The following MCF2L2 variants were observed in gnomAD, a reference collection of about 807,000 sequenced individuals.
The protein encoded by MCF2L2 is probable guanine nucleotide exchange factor MCF2L2.
In MCF2L2, 102 loss-of-function variants were observed where a neutral mutation model predicts 150.2. That is an observed-to-expected ratio of 0.68 (90% CI 0.58 to 0.80). The LOEUF (loss-of-function observed/expected upper bound fraction) is 0.80, where lower values mean the gene tolerates loss of function less well. Among genes scored for constraint, MCF2L2 ranks in the 30% least tolerant of loss-of-function variants. The probability of loss-of-function intolerance (pLI) is 0.00; values close to 1 mark genes in which losing one functional copy is unlikely to be tolerated. For missense variants in MCF2L2, 1,256 were observed against 1,372.8 expected (o/e 0.91, Z 1.34); for synonymous variants, 465 against 491.3 (o/e 0.95, Z 0.71).
At chr3:183,203,781 CA>C (rs1340383646) in intron 25 of MCF2L2, among the ~76,000 whole-genome samples, 4 of 152,202 alleles carry the variant, frequency 2.6e-5, no homozygotes, top group Non-Finnish European at 5.9e-5. Flanking sequence ...TCAAGATCCA[CA>C]CCTAGAGATA....
At chr3:183,262,707 A>G (rs554871079) in intron 15 of MCF2L2, among the ~76,000 whole-genome samples, 4 of 140,756 alleles carry the variant, frequency 2.8e-5, no homozygotes, top group Non-Finnish European at 4.6e-5. Flanking sequence ...CAGGAGGTGA[A>G]GTCTTCAGGG....
intron 3 of MCF2L2, among the ~76,000 whole-genome samples, chr3:183,351,910 A>G (rs1242219797): frequency 6.6e-6 from 1 of 152,162 alleles, no homozygotes; most frequent in Admixed American, 6.5e-5. Flanking sequence ...CCTCCTTCCA[A>G]TTTTAACATT....
chr3:183,315,549 C>T (rs1729570380), intron 7 of MCF2L2, among the ~76,000 whole-genome samples: 1 of 152,156 alleles, frequency 6.6e-6, no homozygotes, highest in South Asian at 2.1e-4. Context: ...TCAAATAATA[C>T]TTCTAACTAT....
intron 5 of MCF2L2, among the ~76,000 whole-genome samples, chr3:183,334,409 T>A (rs1730386551): frequency 6.6e-6 from 1 of 152,014 alleles, no homozygotes; most frequent in African/African-American, 2.4e-5. Flanking sequence ...GGATCAAAAT[T>A]CACATCACCA....
Position 183,318,058 on chromosome 3 carries a change from G to A in MCF2L2, c.753+10C>T, listed in dbSNP as rs1374388533. 6 of 1,612,420 alleles carry A rather than the reference G, an allele frequency of 3.7e-6. No homozygotes were observed. The highest frequency in any genetic ancestry group is 4.2e-6 in the Non-Finnish European group (5 of 1,179,394). On this transcript the variant is annotated intron_variant, in intron 7 of 29. Transcript: ENST00000328913. ...AGACACTGGCCTCTGAGAGGTCACT[G>A]ACCGCTCACCTGCAGCTTGTCCCGC... is the stretch of plus-strand genomic sequence containing the variant.
intron 1 of MCF2L2, among the ~76,000 whole-genome samples, chr3:183,394,134 A>C (rs1714317556): frequency 6.6e-6 from 1 of 152,212 alleles, no homozygotes; most frequent in African/African-American, 2.4e-5. Flanking sequence ...TTGCCCAGAG[A>C]CTCAAGGGGA....
At chr3:183,276,630 T>G (rs1046568320) in intron 15 of MCF2L2, 6 of 423,152 alleles carry the variant, frequency 1.4e-5, no homozygotes, top group Non-Finnish European at 2.5e-5. Flanking sequence ...GATAGCCCAA[T>G]TTTTTAAAAC....
At chr3:183,184,319 T>C (rs921969153) in intron 27 of MCF2L2, among the ~76,000 whole-genome samples, 1 of 152,226 alleles carries the variant, frequency 6.6e-6, no homozygotes, top group African/African-American at 2.4e-5. Context: ...GCCCAGCTGA[T>C]TATAGCAAAA....
intron 15 of MCF2L2, chr3:183,272,168 AT>A: frequency 1.0e-6 from 1 of 1,000,300 alleles, no homozygotes. Context: ...GTTCCTTGTA[AT>A]CAAAGAGATG....
chr3:183,182,336 G>A (rs1054404646), intron 27 of MCF2L2, among the ~76,000 whole-genome samples: 3 of 144,742 alleles, frequency 2.1e-5, no homozygotes, highest in African/African-American at 7.5e-5. Context: ...GTGAGGGTGG[G>A]GATGCCTGGA....
At chr3:183,289,999 G>A (rs1728031421) in intron 13 of MCF2L2, among the ~76,000 whole-genome samples, 1 of 152,164 alleles carries the variant, frequency 6.6e-6, no homozygotes, top group Non-Finnish European at 1.5e-5. Flanking sequence ...GTTGTTCTTG[G>A]ATTCAAAGAC....
intron 15 of MCF2L2, among the ~76,000 whole-genome samples, chr3:183,259,684 C>T (rs1427883306): frequency 6.6e-6 from 1 of 152,050 alleles, no homozygotes; most frequent in Non-Finnish European, 1.5e-5. Context: ...TTTTTGCCTC[C>T]TCTCCTTCCT....
intron 21 of MCF2L2, 90 bp from the exon 22 acceptor site, chr3:183,216,184 T>A: frequency 1.4e-6 from 2 of 1,418,526 alleles, no homozygotes; most frequent in Non-Finnish European, 1.9e-6. Context: ...GAGCCAGGGA[T>A]CCAGCCAACC....
At chr3:183,229,560 C>T (rs574513567) in intron 17 of MCF2L2, 106 bp downstream of exon 17, 1 of 602,958 alleles carries the variant, frequency 1.7e-6, no homozygotes, top group Admixed American at 3.1e-5. Flanking sequence ...AAACCACTTG[C>T]TTAAACCTGA....
At chr3:183,182,023 G>A (rs1445701820) in intron 27 of MCF2L2, among the ~76,000 whole-genome samples, 1 of 152,182 alleles carries the variant, frequency 6.6e-6, no homozygotes, top group African/African-American at 2.4e-5. Flanking sequence ...TGCTTTCCCT[G>A]CTCTCGCGGG....
intron 5 of MCF2L2, among the ~76,000 whole-genome samples, chr3:183,327,531 G>A (rs181233427): frequency 1.9e-3 from 283 of 152,216 alleles, no homozygotes; most frequent in African/African-American, 6.4e-3. Context: ...ATTGATCTTT[G>A]TAGCCAAGAA....
chr3:183,224,543 A>G (rs1430226998), intron 18 of MCF2L2: 1 of 173,974 alleles, frequency 5.7e-6, no homozygotes, highest in East Asian at 1.5e-4. Flanking sequence ...CAGGTCTGCA[A>G]TGAGTAGTAA....
At chr3:183,426,980 T>A (rs951210658) in intron 1 of MCF2L2, among the ~76,000 whole-genome samples, 2 of 152,226 alleles carry the variant, frequency 1.3e-5, no homozygotes, top group African/African-American at 4.8e-5. Flanking sequence ...AGAAAGCAGC[T>A]TTCACAAATG....
chr3:183,297,245 C>T lies in MCF2L2; in HGVS notation c.1306-78G>A, dbSNP rs1259764760. The T allele has an allele frequency of 2.4e-6, 3 of 1,257,682 alleles. No homozygotes were observed. In the African/African-American group the frequency reaches 4.4e-5, roughly 19 times the overall value. The allele number at this position is 1,257,682 out of a possible 1,614,324, so 77.9% of individuals were successfully genotyped here. A position where few individuals can be genotyped will look rare whatever the true frequency, so the allele number is the denominator to read the frequency against. ...CACCGTAATCCTCAGCAGGTCTGAGCTTGTAAGGTGTCTACAAGGATTCCC... is the reference window on the plus strand; with the variant it reads ...CACCGTAATCCTCAGCAGGTCTGAGTTTGTAAGGTGTCTACAAGGATTCCC... On this transcript the variant is annotated intron_variant, in intron 11 of 29. Coordinates refer to ENST00000328913, the MANE Select transcript of MCF2L2 (RefSeq NM_015078.4).
Sources: gnomAD v4.1 joint callset for allele counts (sites outside exome capture counted in the v4.1 genomes callset) on GRCh38, gnomAD v4.1.1 for gene constraint, MANE v1.5 for transcripts, NCBI Gene and HGNC (gene_info 2026-07-23, HGNC 2026-07-21) for gene names.